The following CLPP variants were observed in gnomAD, a reference collection of about 807,000 sequenced individuals.
The protein encoded by CLPP is ATP-dependent Clp protease proteolytic subunit, mitochondrial.
Under a neutral mutation model 27.4 loss-of-function variants are expected in CLPP, and 14 were observed. The observed-to-expected ratio is 0.51, with a 90% confidence interval of 0.34 to 0.80. The LOEUF (loss-of-function observed/expected upper bound fraction) is 0.80, where lower values mean the gene tolerates loss of function less well. Ranked by LOEUF, CLPP falls within the 30% of genes least tolerant of loss-of-function variation. The pLI is 0.02. For missense variants in CLPP, 361 were observed against 403.6 expected, an observed-to-expected ratio of 0.89 and a Z score of 0.90; for synonymous variants, 193 against 166.6, an observed-to-expected ratio of 1.16 and a Z score of -1.22.
chr19:6,368,971 C>T lies in CLPP; in HGVS notation c.*261C>T, dbSNP rs559748982. ...GTACACATCTGTGTTTCACAGGCCC[C>T]TTCTGCTTTTGTCCTGACCCCAAGA... On this transcript the variant is annotated 3_prime_UTR_variant, in exon 6 of 6. Transcript: ENST00000245816. 1.3e-5 allele frequency: 6 copies of T among 477,356 alleles called. No homozygotes were observed. Among genetic ancestry groups the T allele is most frequent in the Non-Finnish European group, 2.2e-5 (6 of 267,926 alleles). 29.6% of individuals were successfully genotyped at this position (477,356 alleles called of 1,614,324 possible).
Position 6,362,339 on chromosome 19 carries a change from C to T in CLPP, c.271-107C>T, listed in dbSNP as rs578186751. On this transcript the variant is annotated intron_variant, in intron 2 of 5. Transcript: ENST00000245816. ...CCTAAATTCTTCCCCATCCCTTTTA[C>T]TTTGGGCTCTGGTCCCCCTTCCTGG... The T allele has an allele frequency of 2.2e-5, 17 of 758,478 alleles. No homozygotes were observed. In the Admixed American group the frequency reaches 2.4e-4, roughly 11 times the overall value. 47.0% of individuals were successfully genotyped at this position (758,478 alleles called of 1,614,324 possible). A position where few individuals can be genotyped will look rare whatever the true frequency, so the allele number is the denominator to read the frequency against.
intron 3 of CLPP, 41 bp downstream of exon 3, chr19:6,362,583 G>C: frequency 7.3e-7 from 1 of 1,370,036 alleles, no homozygotes; most frequent in Non-Finnish European, 1.0e-6. Flanking sequence ...CACTCGTCAG[G>C]GCACACGGGT....
Position 6,361,898 on chromosome 19 carries a change from C to T in CLPP, c.228C>T (p.Tyr76=), listed in dbSNP as rs769543202. 6.3e-7 allele frequency: 1 copy of T among 1,598,798 alleles called. No individual in the cohort carries two copies. The highest frequency in any genetic ancestry group is 8.5e-7 in the Non-Finnish European group (1 of 1,179,456). The part of the protein sequence containing the change: ...TGRGERAYDI[Y]SRLLRERIVC... ...GCGGCGAGCGCGCCTATGACATCTA[C>T]TCGCGGCTGCTGCGGGAGCGCATCG... The change falls in exon 2 of 6, where the codon TAC becomes TAT. Residue 76 remains tyrosine (Y), a synonymous_variant. Transcript: ENST00000245816.
intron 4 of CLPP, among the ~76,000 whole-genome samples, chr19:6,366,056 T>C (rs2091860783): frequency 6.6e-6 from 1 of 151,994 alleles, no homozygotes; most frequent in Non-Finnish European, 1.5e-5. Context: ...GAAAATAACA[T>C]ATACTTAATC....
intron 4 of CLPP, among the ~76,000 whole-genome samples, chr19:6,365,951 T>TAA (rs56755865): frequency 1.9e-4 from 25 of 133,914 alleles, no homozygotes; most frequent in African/African-American, 4.9e-4. Context: ...ACCCCATCTC[T>TAA]AAAAAAAAAA....
chr19:6,366,232 C>G (rs1454596621), intron 4 of CLPP, 26 bp from the exon 5 acceptor site: 9 of 1,533,288 alleles, frequency 5.9e-6, no homozygotes, highest in African/African-American at 2.7e-5. Context: ...AACCTTTACC[C>G]CCTCACTCCC....
At position 6,361,937 on chromosome 19, in the gene CLPP, C is replaced by A; in HGVS notation, c.267C>A (p.Gly89=). The A allele has an allele frequency of 6.9e-6, 11 of 1,597,094 alleles. No homozygotes were observed. Among genetic ancestry groups the A allele is most frequent in the Non-Finnish European group, 9.3e-6 (11 of 1,179,092 alleles). ...GGGAGCGCATCGTGTGCGTCATGGGCCCGGTGAGCGCCCCGCGCCGGGACC... is the reference window on the plus strand; with the variant it reads ...GGGAGCGCATCGTGTGCGTCATGGGACCGGTGAGCGCCCCGCGCCGGGACC... ...LLRERIVCVM[G]PIDDSVASLV... Residue 89 remains glycine (G), a synonymous_variant, in exon 2 of 6, where the codon GGC becomes GGA. Transcript: ENST00000245816.
chr19:6,364,704 G>A, intron 4 of CLPP, 65 bp downstream of exon 4: 3 of 1,474,568 alleles, frequency 2.0e-6, no homozygotes, highest in Non-Finnish European at 1.8e-6. Context: ...AGGACTGACT[G>A]GGCGGAAGTC....
Position 6,368,772 on chromosome 19 carries a change from GGCCCT to G in CLPP, c.*65_*69del. The G allele has an allele frequency of 6.8e-7, 1 of 1,480,894 alleles. No homozygotes were observed. The highest frequency in any genetic ancestry group is 1.3e-5 in the South Asian group (1 of 79,828). 91.7% of individuals were successfully genotyped at this position (1,480,894 alleles called of 1,614,324 possible). ...CAGAGGCCTGCCAGACCCCCAGCTG[GGCCCT>G]GCTCACCCCTTGTTGCTGGGCTTGG... is the stretch of plus-strand genomic sequence containing the variant. On this transcript the variant is annotated 3_prime_UTR_variant, in exon 6 of 6. Coordinates refer to ENST00000245816, the MANE Select transcript of CLPP (RefSeq NM_006012.4).
Position 6,368,873 on chromosome 19 carries a change from G to A in CLPP, c.*163G>A, listed in dbSNP as rs770258067. ...GACGGGGCATTCCAGCTGAGACACT[G>A]TGATTTTAAATTAAATCTTTGTGGT... On this transcript the variant is annotated 3_prime_UTR_variant, in exon 6 of 6. Transcript: ENST00000245816. 11 of 629,714 alleles carry A rather than the reference G, an allele frequency of 1.7e-5. No individual in the cohort carries two copies. The highest frequency in any genetic ancestry group is 3.0e-5 in the Non-Finnish European group (11 of 364,920). The allele number at this position is 629,714 out of a possible 1,614,324, so 39.0% of individuals were successfully genotyped here. A position where few individuals can be genotyped will look rare whatever the true frequency, so the allele number is the denominator to read the frequency against.
Position 6,369,682 on chromosome 19 carries a change from G to C in CLPP, c.*972G>C, listed in dbSNP as rs2091879194. ...GGAAGAGAGGAGATCAAAAAGTAGA[G>C]GTGAAAATTAGCCAGGCGTGATGGT... is the stretch of plus-strand genomic sequence containing the variant. On this transcript the variant is annotated 3_prime_UTR_variant, in exon 6 of 6. Transcript: ENST00000245816. 6.6e-6 allele frequency among the ~76,000 whole-genome samples: 1 copy of C among 151,744 alleles called. No individual in the cohort carries two copies. Among genetic ancestry groups the C allele is most frequent in the African/African-American group, 2.4e-5 (1 of 41,274 alleles).
rs1274475573 is a variant in CLPP at position 6,369,426 on chromosome 19, AAAAC to A, written c.*720_*723del. Among the ~76,000 whole-genome samples the A allele has an allele frequency of 6.0e-5, 9 of 151,106 alleles. No homozygotes were observed. Among genetic ancestry groups the A allele is most frequent in the East Asian group, 5.8e-4 (3 of 5,164 alleles). The stretch of plus-strand genomic sequence containing the variant: ...CAAGGCTCTGTCTCAAAAAAAAAAA[AAAAC>A]AAAAACAGGAAAGGTGGCATGCAAG... On this transcript the variant is annotated 3_prime_UTR_variant, in exon 6 of 6. Transcript: ENST00000245816.
At chr19:6,363,754 C>T (rs2091847747) in intron 3 of CLPP, among the ~76,000 whole-genome samples, 2 of 151,482 alleles carry the variant, frequency 1.3e-5, no homozygotes, top group South Asian at 2.1e-4. Context: ...AAAAATTAGC[C>T]GGGCATGGTG....
rs1213985338 is a variant in CLPP at position 6,369,148 on chromosome 19, C to A, written c.*438C>A. ...ACTAAAAAAAACAAAACAGGCCAGGCGCGCTGGCTCACGCCTGTAATCCCA... is the reference window on the plus strand; with the variant it reads ...ACTAAAAAAAACAAAACAGGCCAGGAGCGCTGGCTCACGCCTGTAATCCCA... On this transcript the variant is annotated 3_prime_UTR_variant, in exon 6 of 6. Coordinates refer to ENST00000245816, the MANE Select transcript of CLPP (RefSeq NM_006012.4). Among the ~76,000 whole-genome samples, 1 of 152,136 alleles carries A rather than the reference C, an allele frequency of 6.6e-6. No individual in the cohort carries two copies. Among genetic ancestry groups the A allele is most frequent in the Non-Finnish European group, 1.5e-5 (1 of 68,030 alleles).
rs1400412385 is a variant in CLPP at position 6,368,558 on chromosome 19, C to T, written c.682C>T (p.Arg228Cys). Residue 228 changes from arginine to cysteine, a missense_variant, in exon 6 of 6, where the codon CGC becomes TGC. By Grantham distance (180) the Arg-to-Cys change is radical. Transcript: ENST00000245816. ...ACCAGAGTCCGCCATGGAGAGGGAC[C>T]GCTACATGAGCCCCATGGAGGCCCA... ...QVIESAMERD[R>C]YMSPMEAQEF... The T allele has an allele frequency of 1.1e-5, 17 of 1,613,978 alleles. No individual in the cohort carries two copies. The highest frequency in any genetic ancestry group is 4.0e-5 in the African/African-American group (3 of 74,920).
In CLPP at chr19:6,366,371, C is replaced by T; in HGVS notation, c.661+8C>T. On this transcript the variant is annotated splice_region_variant and intron_variant, in intron 5 of 5. Transcript: ENST00000245816. ...AGAGCCTGCAGGTGATCGGTAAGCA[C>T]CCTCCTTTATTTCATCCTGGTCCGT... The T allele has an allele frequency of 6.3e-7, 1 of 1,597,162 alleles. No homozygotes were observed. The highest frequency in any genetic ancestry group is 8.6e-7 in the Non-Finnish European group (1 of 1,167,610).
chr19:6,363,499 CTG>C (rs1159921877), intron 3 of CLPP, among the ~76,000 whole-genome samples: 1 of 152,136 alleles, frequency 6.6e-6, no homozygotes, highest in Non-Finnish European at 1.5e-5. Flanking sequence ...AGTCAGCTGA[CTG>C]TAAAGCAAGC....
chr19:6,362,024 G>A, intron 2 of CLPP, 84 bp downstream of exon 2: 12 of 1,317,400 alleles, frequency 9.1e-6, no homozygotes, highest in Non-Finnish European at 1.3e-5. Context: ...CCTGGCCCCA[G>A]ACTTTCCCTC....
At position 6,364,604 on chromosome 19, in the gene CLPP, C is replaced by T. The variant is rs1244525711; in HGVS notation, c.520C>T (p.Arg174Cys). 6.2e-6 allele frequency: 10 copies of T among 1,612,600 alleles called. No individual in the cohort carries two copies. Among genetic ancestry groups the T allele is most frequent in the African/African-American group, 1.3e-5 (1 of 74,926 alleles). The change falls in exon 4 of 6, where the codon CGT becomes TGT. Residue 174 changes from arginine to cysteine, a missense_variant. Physicochemically the swap from Arg to Cys is radical, Grantham distance 180. Around this residue, in one of 2 missense-constraint regions of CLPP, gnomAD observed 213 missense variants for 280.9 expected, o/e 0.76. Transcript: ENST00000245816. ...CATGCGCCACTCGCTCCCCAACTCC[C>T]GTATCATGATCCACCAGCCCTCAGG... is the stretch of plus-strand genomic sequence containing the variant. ...PGMRHSLPNS[R>C]IMIHQPSGGA...
Sources: gnomAD v4.1 joint callset for allele counts (sites outside exome capture counted in the v4.1 genomes callset) on GRCh38, gnomAD v4.1.1 for gene constraint, gnomAD v4.1.1 regional missense constraint, MANE v1.5 for transcripts, NCBI Gene and HGNC (gene_info 2026-07-23, HGNC 2026-07-21) for gene names.